Variants in KCNJ6 observed in about 807,000 individuals in gnomAD.
KCNJ6 encodes the protein G protein-activated inward rectifier potassium channel 2.
KCNJ6 carries 9 observed loss-of-function variants against 34.2 expected under a neutral mutation model. The ratio of observed to expected loss-of-function variants is 0.26; its 90% CI spans 0.16 to 0.46. The LOEUF is 0.46. Among genes scored for constraint, KCNJ6 ranks in the 20% least tolerant of loss-of-function variants. The pLI, the probability that KCNJ6 is intolerant of heterozygous loss-of-function variation, is 1.00. For synonymous variants in KCNJ6, 196 were observed against 207.1 expected (o/e 0.95, Z 0.46); for missense variants, 236 against 531.3 (o/e 0.44, Z 5.46).
intron 3 of KCNJ6, among the ~76,000 whole-genome samples, chr21:37,709,679 T>C (rs2054740986): frequency 6.6e-6 from 1 of 152,206 alleles, no homozygotes; most frequent in Admixed American, 6.5e-5. Flanking sequence ...GCCCTGCTAG[T>C]GGCTATTTGA....
In KCNJ6 at chr21:37,916,197, G is replaced by A. The variant is rs1279512304; in HGVS notation, c.-341C>T. 1 of 152,146 alleles carries A rather than the reference G, an allele frequency of 6.6e-6. No individual in the cohort carries two copies. Among genetic ancestry groups the A allele is most frequent in the African/African-American group, 2.4e-5 (1 of 41,414 alleles). 9.4% of individuals were successfully genotyped at this position (152,146 alleles called of 1,614,324 possible). A position where few individuals can be genotyped will look rare whatever the true frequency, so the allele number is the denominator to read the frequency against. ...CTGGCTCCCTCTGGCCGAGCGCGGA[G>A]AGCAGGGCTGGGCGCTGGGGCCAAG... On this transcript the variant is annotated 5_prime_UTR_variant, in exon 1 of 4. Transcript: ENST00000609713.
At chr21:37,796,879 C>T (rs554957586) in intron 2 of KCNJ6, among the ~76,000 whole-genome samples, 199 of 148,604 alleles carry the variant, frequency 1.3e-3, no homozygotes, top group African/African-American at 2.5e-3. Context: ...CTGCAAGCTC[C>T]GCTTCCCGGG....
At chr21:37,853,863 A>ATATATATATATATATATAT (rs1568872544) in intron 1 of KCNJ6, among the ~76,000 whole-genome samples, 1 of 38,850 alleles carries the variant, frequency 2.6e-5, no homozygotes, top group African/African-American at 2.1e-4. Context: ...TATATATATA[A>ATATATATATATATATATAT]ATTACATTGT....
intron 1 of KCNJ6, among the ~76,000 whole-genome samples, chr21:37,902,965 T>C (rs1329317581): frequency 3.3e-5 from 5 of 152,198 alleles, no homozygotes; most frequent in African/African-American, 1.2e-4. Flanking sequence ...TTTCAGCAAG[T>C]CCCTCTTGCA....
At chr21:37,755,760 T>C (rs578020661) in intron 2 of KCNJ6, among the ~76,000 whole-genome samples, 1 of 152,266 alleles carries the variant, frequency 6.6e-6, no homozygotes, top group East Asian at 1.9e-4. Flanking sequence ...TGGGCCAGCC[T>C]CCGGGTGAGA....
chr21:37,697,152 G>C (rs978422688), intron 3 of KCNJ6, among the ~76,000 whole-genome samples: 9 of 152,184 alleles, frequency 5.9e-5, no homozygotes, highest in African/African-American at 1.9e-4. Context: ...TAAGACGATT[G>C]TTTGACCACC....
intron 3 of KCNJ6, among the ~76,000 whole-genome samples, chr21:37,631,828 C>T (rs1277936246): frequency 6.6e-6 from 1 of 152,154 alleles, no homozygotes; most frequent in Non-Finnish European, 1.5e-5. Context: ...ACTTCCCCAC[C>T]AGCCCTGAGT....
intron 1 of KCNJ6, among the ~76,000 whole-genome samples, chr21:37,899,422 TC>T (rs916457768): frequency 3.3e-5 from 5 of 152,154 alleles, no homozygotes; most frequent in Non-Finnish European, 5.9e-5. Context: ...TCTCTCTCAC[TC>T]CCCCTCACTC....
intron 2 of KCNJ6, among the ~76,000 whole-genome samples, chr21:37,799,560 GA>G (rs2055259638): frequency 6.6e-6 from 1 of 152,116 alleles, no homozygotes; most frequent in African/African-American, 2.4e-5. Flanking sequence ...GCTTGAGGCA[GA>G]AAAAATAATG....
intron 1 of KCNJ6, among the ~76,000 whole-genome samples, chr21:37,901,891 GT>G (rs1490605554): frequency 6.6e-6 from 1 of 152,160 alleles, no homozygotes; most frequent in Non-Finnish European, 1.5e-5. Flanking sequence ...GTTTATTACA[GT>G]TTTTCATATC....
intron 2 of KCNJ6, among the ~76,000 whole-genome samples, chr21:37,828,974 C>G (rs564801584): frequency 1.3e-5 from 2 of 152,246 alleles, no homozygotes; most frequent in African/African-American, 4.8e-5. Flanking sequence ...TGTTTGCTCT[C>G]TGAGGGTGCA....
chr21:37,885,013 T>C (rs554010270), intron 1 of KCNJ6, among the ~76,000 whole-genome samples: 45 of 152,354 alleles, frequency 3.0e-4, no homozygotes, highest in Middle Eastern at 6.8e-3. Context: ...TCAGCACTTA[T>C]GGCTGTTATT....
At chr21:37,877,002 T>A (rs2055681861) in intron 1 of KCNJ6, among the ~76,000 whole-genome samples, 1 of 152,196 alleles carries the variant, frequency 6.6e-6, no homozygotes, top group South Asian at 2.1e-4. Context: ...AAACTTAACA[T>A]TTTTATTACT....
At chr21:37,898,017 T>C (rs1170172460) in intron 1 of KCNJ6, among the ~76,000 whole-genome samples, 1 of 152,190 alleles carries the variant, frequency 6.6e-6, no homozygotes, top group Admixed American at 6.5e-5. Context: ...ACCTTGGACA[T>C]TGGGCTGTGT....
At chr21:37,842,523 C>T (rs1395427930) in intron 1 of KCNJ6, among the ~76,000 whole-genome samples, 1 of 152,220 alleles carries the variant, frequency 6.6e-6, no homozygotes, top group African/African-American at 2.4e-5. Flanking sequence ...CAGCACGCTG[C>T]CTCTTACTTA....
At chr21:37,653,468 G>C (rs2054443305) in intron 3 of KCNJ6, among the ~76,000 whole-genome samples, 1 of 152,154 alleles carries the variant, frequency 6.6e-6, no homozygotes, top group African/African-American at 2.4e-5. Context: ...TCTCTTTATG[G>C]GAAGTTATGA....
chr21:37,617,041 TTTCTTTCTTTCTTTTCTTTTC>T lies in KCNJ6; in HGVS notation c.*8097_*8117del, dbSNP rs1369605448. 2.8e-3 allele frequency: 18 copies of T among 6,488 alleles called. No individual in the cohort carries two copies. The Admixed American group carries it at 0.04, about 14-fold the overall frequency. The allele number at this position is 6,488 out of a possible 1,614,324, so 0.4% of individuals were successfully genotyped here. ...CTTTCTTTCTTTCTTTCTTTCTTTCTTTCTTTCTTTCTTTTCTTTTCTTTTCTTTTCTTTTCTTTCTTTTTC... is the reference window on the plus strand; with the variant it reads ...CTTTCTTTCTTTCTTTCTTTCTTTCTTTTTCTTTTCTTTTCTTTCTTTTTC... On this transcript the variant is annotated 3_prime_UTR_variant, in exon 4 of 4. Coordinates refer to ENST00000609713, the MANE Select transcript of KCNJ6 (RefSeq NM_002240.5).
At chr21:37,765,290 A>G (rs1335186251) in intron 2 of KCNJ6, among the ~76,000 whole-genome samples, 1 of 152,186 alleles carries the variant, frequency 6.6e-6, no homozygotes, top group African/African-American at 2.4e-5. Flanking sequence ...ATGGTGGGAT[A>G]TGGATACCAG....
intron 2 of KCNJ6, among the ~76,000 whole-genome samples, chr21:37,828,485 C>T (rs1260294963): frequency 2.0e-5 from 3 of 152,184 alleles, no homozygotes; most frequent in Non-Finnish European, 4.4e-5. Context: ...GAAGGCAGGC[C>T]TGGGAGCTGG....
Sources: allele counts gnomAD v4.1 joint callset (sites outside exome capture counted in the v4.1 genomes callset), GRCh38; gene constraint gnomAD v4.1.1; transcripts MANE v1.5; gene names NCBI Gene and HGNC (gene_info 2026-07-23, HGNC 2026-07-21).